The following AGTPBP1 variants were observed in gnomAD, a reference collection of about 807,000 sequenced individuals.
AGTPBP1 encodes cytosolic carboxypeptidase 1.
In AGTPBP1, 70 loss-of-function variants were observed where a neutral mutation model predicts 143.9. The ratio of observed to expected loss-of-function variants is 0.49; its 90% CI spans 0.40 to 0.59. The LOEUF is 0.59. Ranked by LOEUF, AGTPBP1 falls within the 20% of genes least tolerant of loss-of-function variation. AGTPBP1 has a pLI of 0.00. For missense variants in AGTPBP1, 1,229 were observed against 1,464.5 expected, an observed-to-expected ratio of 0.84 and a Z score of 2.62; for synonymous variants, 463 against 500.2, an observed-to-expected ratio of 0.93 and a Z score of 0.99.
At chr9:85,741,534 T>C (rs1175979006) in intron 1 of AGTPBP1, 1 of 985,256 alleles carries the variant, frequency 1.0e-6, no homozygotes, top group African/African-American at 1.7e-5. Context: ...GTCCGGGGAC[T>C]GGGGAAGGCG....
intron 1 of AGTPBP1, among the ~76,000 whole-genome samples, chr9:85,740,999 G>A (rs1048660540): frequency 1.3e-5 from 2 of 152,174 alleles, no homozygotes; most frequent in East Asian, 3.9e-4. Flanking sequence ...TTGCCCTGGT[G>A]CTCGTAAGAG....
chr9:85,573,036 T>C (rs924882711), intron 25 of AGTPBP1, among the ~76,000 whole-genome samples: 1 of 152,174 alleles, frequency 6.6e-6, no homozygotes, highest in Non-Finnish European at 1.5e-5. Context: ...AATGCTAATC[T>C]CTGGCATTAT....
the AGTPBP1 span, among the ~76,000 whole-genome samples, chr9:85,753,688 G>A: frequency 6.6e-6 from 1 of 151,902 alleles, no homozygotes; most frequent in Non-Finnish European, 1.5e-5. Flanking sequence ...GGAGGTGGAG[G>A]CTGCAGTGAG....
intron 2 of AGTPBP1, among the ~76,000 whole-genome samples, chr9:85,696,462 G>C (rs879463966): frequency 2.9e-4 from 44 of 152,108 alleles, no homozygotes; most frequent in Non-Finnish European, 6.0e-4. Context: ...GAGGTCGAGA[G>C]CTCGAGACCA....
chr9:85,753,242 T>C, the AGTPBP1 span: 4 of 1,571,202 alleles, frequency 2.5e-6, no homozygotes, highest in Non-Finnish European at 3.5e-6. Context: ...AAAAAAATTG[T>C]CATCAGTGTA....
intron 4 of AGTPBP1, among the ~76,000 whole-genome samples, chr9:85,680,237 C>T (rs74589263): frequency 0.016 from 2,359 of 152,186 alleles, 58 homozygotes; most frequent in African/African-American, 0.054. Flanking sequence ...TCTTCATTCT[C>T]AGAAATGTGC....
intron 10 of AGTPBP1, among the ~76,000 whole-genome samples, chr9:85,656,649 A>G (rs1833530053): frequency 6.6e-6 from 1 of 152,118 alleles, no homozygotes; most frequent in African/African-American, 2.4e-5. Context: ...CTCATTCCCC[A>G]TGGCTGACAG....
chr9:85,781,711 T>G, the AGTPBP1 span, among the ~76,000 whole-genome samples: 94 of 152,304 alleles, frequency 6.2e-4, no homozygotes, highest in African/African-American at 2.2e-3. Context: ...AAAAAAGATG[T>G]ATGGTAGGTA....
chr9:85,559,213 T>C (rs576404511), intron 25 of AGTPBP1, among the ~76,000 whole-genome samples: 1 of 152,224 alleles, frequency 6.6e-6, no homozygotes, highest in African/African-American at 2.4e-5. Context: ...AGGAAAAATG[T>C]AGTGTTGCAT....
chr9:85,802,850 T>C, the AGTPBP1 span, among the ~76,000 whole-genome samples: 5 of 152,154 alleles, frequency 3.3e-5, no homozygotes, highest in African/African-American at 1.2e-4. Flanking sequence ...GGAAAATGTA[T>C]GAAAGAGGCA....
At chr9:85,550,203 G>GAC (rs1825959194) in intron 25 of AGTPBP1, among the ~76,000 whole-genome samples, 1 of 151,756 alleles carries the variant, frequency 6.6e-6, no homozygotes. Flanking sequence ...GTGAGAGAGA[G>GAC]AGAGAGAGAG....
At chr9:85,590,912 A>T (rs143597491) in intron 19 of AGTPBP1, among the ~76,000 whole-genome samples, 439 of 152,292 alleles carry the variant, frequency 2.9e-3, no homozygotes, top group Middle Eastern at 6.8e-3. Context: ...CCAAAAGCAT[A>T]GTATACATAC....
the AGTPBP1 span, among the ~76,000 whole-genome samples, chr9:85,761,461 A>G: frequency 0.028 from 4,330 of 152,332 alleles, 213 homozygotes; most frequent in African/African-American, 0.099. Flanking sequence ...GCCCTCAGAA[A>G]TAATACCACA....
chr9:85,652,373 G>C (rs771107540), intron 11 of AGTPBP1, among the ~76,000 whole-genome samples: 3 of 152,072 alleles, frequency 2.0e-5, no homozygotes, highest in Non-Finnish European at 4.4e-5. Context: ...TTAGCTGGGC[G>C]TGGTGGTGCA....
chr9:85,593,949 C>T (rs554618853), intron 18 of AGTPBP1, among the ~76,000 whole-genome samples: 23 of 152,164 alleles, frequency 1.5e-4, no homozygotes, highest in Admixed American at 6.5e-4. Context: ...AGGGCCTATA[C>T]GTTATTTTTT....
chr9:85,790,259 G>C, the AGTPBP1 span, among the ~76,000 whole-genome samples: 1 of 152,302 alleles, frequency 6.6e-6, no homozygotes, highest in Non-Finnish European at 1.5e-5. Context: ...AGTACACCAA[G>C]GGTAGGGTAC....
intron 17 of AGTPBP1, among the ~76,000 whole-genome samples, chr9:85,616,740 A>T (rs1830623821): frequency 6.6e-6 from 1 of 151,930 alleles, no homozygotes; most frequent in Admixed American, 6.6e-5. Flanking sequence ...ATATACTTTG[A>T]ATGAGTTTCA....
At chr9:85,573,662 A>C (rs964999351) in intron 25 of AGTPBP1, among the ~76,000 whole-genome samples, 2 of 148,106 alleles carry the variant, frequency 1.4e-5, no homozygotes, top group Non-Finnish European at 3.0e-5. Context: ...AAGTGAGGAG[A>C]GCCTCTTCCC....
At chr9:85,786,168 A>G in the AGTPBP1 span, 3 of 1,603,796 alleles carry the variant, frequency 1.9e-6, no homozygotes, top group Non-Finnish European at 2.6e-6. Context: ...TAAAATGGGC[A>G]TCCAGACCTG....
Sources: allele counts gnomAD v4.1 joint callset (sites outside exome capture counted in the v4.1 genomes callset), GRCh38; gene constraint gnomAD v4.1.1; transcripts MANE v1.5; gene names NCBI Gene and HGNC (gene_info 2026-07-23, HGNC 2026-07-21).